The following SNX25 variants were observed in gnomAD, a reference collection of about 807,000 sequenced individuals.
SNX25 encodes sorting nexin-25.
Under a neutral mutation model 113.7 loss-of-function variants are expected in SNX25, and 62 were observed. The ratio of observed to expected loss-of-function variants is 0.55; its 90% confidence interval spans 0.44 to 0.67. The LOEUF is 0.67. Among genes scored for constraint, SNX25 ranks in the 30% least tolerant of loss-of-function variants. The pLI, the probability that SNX25 is intolerant of heterozygous loss-of-function variation, is 0.00. For synonymous variants in SNX25, 421 were observed against 436.2 expected, an observed-to-expected ratio of 0.97 and a Z score of 0.43; for missense variants, 1,014 against 1,161.0, an observed-to-expected ratio of 0.87 and a Z score of 1.84.
At chr4:185,214,344 G>A (rs187680798) in intron 1 of SNX25, among the ~76,000 whole-genome samples, 50 of 148,574 alleles carry the variant, frequency 3.4e-4, no homozygotes, top group African/African-American at 1.2e-3. Context: ...ATTATTTGAG[G>A]CCAGGAGTTG....
chr4:185,368,505 G>A (rs1400900842), downstream of SNX25, among the ~76,000 whole-genome samples: 1 of 152,118 alleles, frequency 6.6e-6, no homozygotes, highest in Non-Finnish European at 1.5e-5. Flanking sequence ...GGACACTGCC[G>A]GTCCAGTGAA....
chr4:185,215,568 C>A (rs1453993732), intron 1 of SNX25, among the ~76,000 whole-genome samples: 2 of 152,162 alleles, frequency 1.3e-5, no homozygotes, highest in South Asian at 4.1e-4. Context: ...TTTACAGCCT[C>A]TTTGTGGCTT....
intron 5 of SNX25, among the ~76,000 whole-genome samples, chr4:185,275,518 C>T (rs140452290): frequency 6.6e-6 from 1 of 152,210 alleles, no homozygotes; most frequent in East Asian, 1.9e-4. Flanking sequence ...TTCTCTTTAG[C>T]TATTAAAGGA....
At chr4:185,229,976 G>A (rs1449267735) in intron 1 of SNX25, among the ~76,000 whole-genome samples, 4 of 152,034 alleles carry the variant, frequency 2.6e-5, no homozygotes, top group African/African-American at 7.2e-5. Flanking sequence ...CTACAGGGAC[G>A]TGCCACCATG....
chr4:185,225,346 G>A (rs535313048), intron 1 of SNX25, among the ~76,000 whole-genome samples: 2 of 152,108 alleles, frequency 1.3e-5, no homozygotes, highest in African/African-American at 2.4e-5. Context: ...GTATGGTCTC[G>A]ATCTCCTGAC....
intron 1 of SNX25, among the ~76,000 whole-genome samples, chr4:185,218,473 C>T (rs1195157507): frequency 6.6e-6 from 1 of 152,210 alleles, no homozygotes; most frequent in East Asian, 1.9e-4. Context: ...AGCCCAGGTG[C>T]TGCTTTGGGA....
At chr4:185,331,648 G>T (rs1389988727) in intron 9 of SNX25, among the ~76,000 whole-genome samples, 1 of 152,064 alleles carries the variant, frequency 6.6e-6, no homozygotes, top group Non-Finnish European at 1.5e-5. Flanking sequence ...GGACGTAGTG[G>T]TGGGCTCCTG....
intron 2 of SNX25, among the ~76,000 whole-genome samples, chr4:185,258,270 G>A (rs575075735): frequency 6.6e-6 from 1 of 152,300 alleles, no homozygotes; most frequent in South Asian, 2.1e-4. Context: ...GATGGCATTG[G>A]AACTTGCTGT....
At chr4:185,335,588 A>G (rs992466394) in intron 10 of SNX25, among the ~76,000 whole-genome samples, 5 of 152,160 alleles carry the variant, frequency 3.3e-5, no homozygotes, top group African/African-American at 1.2e-4. Context: ...CCAGCAGTGT[A>G]ATTAGCTACT....
At chr4:185,377,967 T>A in the SNX25 span, 3 of 863,694 alleles carry the variant, frequency 3.5e-6, no homozygotes, top group Admixed American at 8.6e-5. Flanking sequence ...GACTAATGAT[T>A]AACCACTTCC....
chr4:185,310,815 A>G lies in SNX25; in HGVS notation c.1343A>G (p.Lys448Arg). 1 of 1,604,280 alleles carries G rather than the reference A, an allele frequency of 6.2e-7. No individual in the cohort carries two copies. Among genetic ancestry groups the G allele is most frequent in the Non-Finnish European group, 8.5e-7 (1 of 1,176,696 alleles). The change falls in exon 7 of 19, where the codon AAG becomes AGG. Residue 448 changes from lysine to arginine, a missense_variant and splice_region_variant. By Grantham distance (26) the Lys-to-Arg change is conservative. Coordinates refer to ENST00000652585, the MANE Select transcript of SNX25 (RefSeq NM_001378034.2). ...GAGGGGGAAGGGCCTCAAAGCCAGAAGGTAGAACTTTATAGTTTCTTGTTT... is the reference window on the plus strand; with the variant it reads ...GAGGGGGAAGGGCCTCAAAGCCAGAGGGTAGAACTTTATAGTTTCTTGTTT... Reference protein sequence around the residue: ...LDEGEGPQSQKILQFEDILAN... With the variant: ...LDEGEGPQSQRILQFEDILAN...
chr4:185,208,745 G>A (rs554056123), upstream of SNX25, among the ~76,000 whole-genome samples: 1 of 151,850 alleles, frequency 6.6e-6, no homozygotes, highest in Non-Finnish European at 1.5e-5. Flanking sequence ...AAAAAAGAAA[G>A]AAAGAAAGAA....
intron 1 of SNX25, among the ~76,000 whole-genome samples, chr4:185,222,707 A>T (rs1740193644): frequency 6.6e-6 from 1 of 152,152 alleles, no homozygotes; most frequent in South Asian, 2.1e-4. Flanking sequence ...GCCTAGTTGG[A>T]TGATTTAGTA....
chr4:185,326,703 T>G (rs2095159678), intron 9 of SNX25, among the ~76,000 whole-genome samples: 1 of 152,218 alleles, frequency 6.6e-6, no homozygotes, highest in African/African-American at 2.4e-5. Flanking sequence ...CCTATATGAT[T>G]TTATACCAAA....
At chr4:185,323,330 G>A (rs1483242418) in intron 8 of SNX25, among the ~76,000 whole-genome samples, 198 bp from the exon 9 acceptor site, 14 of 151,488 alleles carry the variant, frequency 9.2e-5, no homozygotes, top group Admixed American at 9.2e-4. Context: ...TGTTCAACAT[G>A]TTCATTTAAA....
At chr4:185,257,014 C>T (rs965569823) in intron 2 of SNX25, among the ~76,000 whole-genome samples, 3 of 151,880 alleles carry the variant, frequency 2.0e-5, no homozygotes, top group African/African-American at 7.3e-5. Flanking sequence ...TTATTTGACA[C>T]GTATAGGTTA....
chr4:185,229,725 A>G (rs1741543476), intron 1 of SNX25, among the ~76,000 whole-genome samples: 1 of 152,162 alleles, frequency 6.6e-6, no homozygotes, highest in Non-Finnish European at 1.5e-5. Context: ...TCTTTAGAGG[A>G]GTAGGTTTTA....
upstream of SNX25, chr4:185,209,558 G>A (rs1429926704): frequency 4.5e-6 from 1 of 221,760 alleles, no homozygotes; most frequent in East Asian, 1.8e-4. The surrounding 1 kb of genome is among the most constrained non-coding windows in gnomAD (Gnocchi z 5.2). Context: ...ACGCACTTCA[G>A]GGCGGCCCCG....
the SNX25 span, chr4:185,377,075 G>T: frequency 8.3e-7 from 1 of 1,198,434 alleles, no homozygotes; most frequent in South Asian, 1.2e-5. Context: ...TTTCTCTCTT[G>T]AAGTAATGAA....
Sources: gnomAD v4.1 joint callset for allele counts (sites outside exome capture counted in the v4.1 genomes callset) on GRCh38, gnomAD v4.1.1 for gene constraint, Gnocchi (gnomAD v3.1) non-coding constraint, MANE v1.5 for transcripts, NCBI Gene and HGNC (gene_info 2026-07-23, HGNC 2026-07-21) for gene names.